RBMS3: variants seen among roughly 807,000 people sequenced by gnomAD.
The protein encoded by RBMS3 is RNA binding motif single stranded interacting protein 3, also known as RNA-binding motif, single-stranded-interacting protein 3.
A neutral mutation model predicts 66.8 loss-of-function variants in RBMS3; 27 were observed. The observed-to-expected ratio is 0.40, with a 90% CI of 0.30 to 0.56. RBMS3 has a LOEUF of 0.56. Among genes scored for constraint, RBMS3 ranks in the 20% least tolerant of loss-of-function variants. RBMS3 has a pLI of 0.40. For missense variants in RBMS3, 513 were observed against 549.5 expected (o/e 0.93, Z 0.66); for synonymous variants, 188 against 183.0 (o/e 1.03, Z -0.22).
intron 5 of RBMS3, among the ~76,000 whole-genome samples, chr3:29,760,593 T>C (rs1056796297): frequency 6.6e-6 from 1 of 151,360 alleles, no homozygotes. Flanking sequence ...CAATAGTGGA[T>C]CCTGTGGGAA....
intron 1 of RBMS3, among the ~76,000 whole-genome samples, chr3:29,420,486 G>T (rs1432318026): frequency 5.3e-5 from 8 of 152,138 alleles, no homozygotes; most frequent in African/African-American, 1.9e-4. Flanking sequence ...AGAGCTGATT[G>T]TTAAATTCTC....
chr3:29,713,616 C>A (rs958096599), intron 4 of RBMS3, among the ~76,000 whole-genome samples: 1 of 152,154 alleles, frequency 6.6e-6, no homozygotes, highest in African/African-American at 2.4e-5. Context: ...TCTCCACATT[C>A]TCTTCAAACA....
intron 1 of RBMS3, among the ~76,000 whole-genome samples, chr3:29,376,614 A>G (rs907510413): frequency 1.3e-5 from 2 of 152,198 alleles, no homozygotes; most frequent in Non-Finnish European, 1.5e-5. Context: ...CTACTAAAAA[A>G]TACAAAAAAA....
At chr3:29,461,548 C>A (rs1364331746) in intron 2 of RBMS3, among the ~76,000 whole-genome samples, 1 of 152,152 alleles carries the variant, frequency 6.6e-6, no homozygotes, top group Non-Finnish European at 1.5e-5. Context: ...TGGCCTGCAT[C>A]TTGGTAATAT....
chr3:29,625,627 G>A (rs2049031667), intron 4 of RBMS3, among the ~76,000 whole-genome samples: 1 of 152,004 alleles, frequency 6.6e-6, no homozygotes, highest in South Asian at 2.1e-4. Flanking sequence ...GAACCTGGGA[G>A]GTGGGGGTTG....
At chr3:29,408,155 C>T (rs1027442388) in intron 1 of RBMS3, among the ~76,000 whole-genome samples, 27 of 150,626 alleles carry the variant, frequency 1.8e-4, no homozygotes, top group Non-Finnish European at 2.5e-4. Context: ...GCCTGTAGCC[C>T]CAGCTACTTG....
At chr3:29,469,596 A>C (rs1459997890) in intron 2 of RBMS3, among the ~76,000 whole-genome samples, 1 of 150,430 alleles carries the variant, frequency 6.6e-6, no homozygotes, top group Non-Finnish European at 1.5e-5. Flanking sequence ...TAAGTAAAAA[A>C]AAAGTTGTAG....
chr3:29,948,545 C>A (rs1695472361), intron 12 of RBMS3, among the ~76,000 whole-genome samples: 1 of 151,748 alleles, frequency 6.6e-6, no homozygotes, highest in South Asian at 2.1e-4. Flanking sequence ...ATACCATGAG[C>A]TAATTACAAA....
chr3:29,529,591 A>G (rs2045270963), intron 3 of RBMS3, among the ~76,000 whole-genome samples: 1 of 152,128 alleles, frequency 6.6e-6, no homozygotes, highest in African/African-American at 2.4e-5. Flanking sequence ...TATCCCATAG[A>G]TATTTTGATT....
rs764769663 is a variant in RBMS3, at chr3:29,868,894, G to A, written c.674G>A (p.Gly225Glu). Residue 225 changes from glycine to glutamate, a missense_variant, in exon 7 of 15, where the codon GGA becomes GAA. By Grantham distance (98) the Gly-to-Glu change is moderately conservative (BLOSUM62 -2). Transcript: ENST00000383767. ...SEPLLCKFAD[G>E]GQKKRQNQSK... Reference sequence around the variant, plus strand: ...CCTTTGCTGTGCAAATTCGCTGATGGAGGACAAAAGAAGCGACAGAATCAA... The same window carrying A: ...CCTTTGCTGTGCAAATTCGCTGATGAAGGACAAAAGAAGCGACAGAATCAA... 6.2e-7 allele frequency: 1 copy of A among 1,603,990 alleles called. No individual in the cohort carries two copies. The highest frequency in any genetic ancestry group is 8.5e-7 in the Non-Finnish European group (1 of 1,174,636).
intron 2 of RBMS3, among the ~76,000 whole-genome samples, chr3:29,451,740 G>A (rs1296880830): frequency 1.3e-5 from 2 of 152,086 alleles, no homozygotes; most frequent in Non-Finnish European, 2.9e-5. Flanking sequence ...TGCCTACAGT[G>A]CTTCATTTGA....
chr3:29,636,712 T>C (rs542057411), intron 4 of RBMS3, among the ~76,000 whole-genome samples: 4 of 152,096 alleles, frequency 2.6e-5, no homozygotes, highest in African/African-American at 9.6e-5. Context: ...CAGGCATAAA[T>C]GTATTTGCGC....
intron 1 of RBMS3, among the ~76,000 whole-genome samples, chr3:29,353,734 T>G (rs2037057112): frequency 6.6e-6 from 1 of 152,072 alleles, no homozygotes; most frequent in South Asian, 2.1e-4. Flanking sequence ...CATAATTAAT[T>G]ATTGCTTGAA....
intron 14 of RBMS3, among the ~76,000 whole-genome samples, chr3:29,997,447 C>G (rs184638605): frequency 8.7e-5 from 13 of 148,982 alleles, no homozygotes; most frequent in Non-Finnish European, 1.6e-4. Context: ...ATACCAAAGC[C>G]GGGCAGAGAC....
intron 4 of RBMS3, among the ~76,000 whole-genome samples, chr3:29,699,027 A>G (rs901347452): frequency 6.6e-6 from 1 of 152,202 alleles, no homozygotes; most frequent in East Asian, 1.9e-4. Context: ...TCACAGTTTA[A>G]TAAACCATTT....
At chr3:29,828,725 G>A (rs556827125) in intron 6 of RBMS3, among the ~76,000 whole-genome samples, 15 of 152,280 alleles carry the variant, frequency 9.9e-5, no homozygotes, top group Non-Finnish European at 1.8e-4. Context: ...TGTTGGATTG[G>A]AAACTGTACA....
At chr3:29,915,641 C>T (rs756601827) in intron 10 of RBMS3, among the ~76,000 whole-genome samples, 1 of 151,782 alleles carries the variant, frequency 6.6e-6, no homozygotes, top group Non-Finnish European at 1.5e-5. Flanking sequence ...AAGTTCAAAC[C>T]GAAATTGTCA....
chr3:29,830,078 G>A (rs1481405926), intron 6 of RBMS3, among the ~76,000 whole-genome samples: 3 of 151,890 alleles, frequency 2.0e-5, no homozygotes, highest in African/African-American at 7.2e-5. Flanking sequence ...CTGTTTCTTT[G>A]GGCTACATTT....
chr3:29,955,957 G>C (rs1324073693), intron 12 of RBMS3, among the ~76,000 whole-genome samples: 1 of 151,938 alleles, frequency 6.6e-6, no homozygotes, highest in Admixed American at 6.6e-5. Flanking sequence ...AACCTTGAAA[G>C]CTGCCTTAAA....
Sources: gnomAD v4.1 joint callset for allele counts (sites outside exome capture counted in the v4.1 genomes callset) on GRCh38, gnomAD v4.1.1 for gene constraint, MANE v1.5 for transcripts, NCBI Gene and HGNC (gene_info 2026-07-23, HGNC 2026-07-21) for gene names.